ACY3: variants seen among roughly 807,000 people sequenced by gnomAD.
ACY3 encodes the protein aminoacylase 3, also known as N-acyl-aromatic-L-amino acid amidohydrolase (carboxylate-forming).
In ACY3, 20 loss-of-function variants were observed where a neutral mutation model predicts 24.6. The ratio of observed to expected loss-of-function variants is 0.81; its 90% CI spans 0.57 to 1.18. The LOEUF (loss-of-function observed/expected upper bound fraction) is 1.18, where lower values mean the gene tolerates loss of function less well. Among genes scored for constraint, ACY3 ranks in the 50% most tolerant of loss-of-function variants. The pLI, the probability that ACY3 is intolerant of heterozygous loss-of-function variation, is 0.00. For missense variants in ACY3, 423 were observed against 426.8 expected (o/e 0.99, Z 0.08); for synonymous variants, 174 against 188.4 (o/e 0.92, Z 0.62).
intron 2 of ACY3, 123 bp from the exon 3 acceptor site, chr11:67,647,186 G>A: frequency 1.5e-6 from 1 of 661,750 alleles, no homozygotes; most frequent in Non-Finnish European, 2.5e-6. Context: ...AGCTGGGAGT[G>A]TCTCAGCTGT....
At chr11:67,649,637 C>T (rs867385575) in intron 1 of ACY3, among the ~76,000 whole-genome samples, 4 of 141,600 alleles carry the variant, frequency 2.8e-5, no homozygotes, top group Non-Finnish European at 4.5e-5. Context: ...TGACAGCATG[C>T]GTGTGTGCGT....
Position 67,645,818 on chromosome 11 carries a change from G to A in ACY3, c.306C>T (p.Pro102=). Residue 102 remains proline, a synonymous_variant, in exon 4 of 8, where the codon CCC becomes CCT. Transcript: ENST00000255082. ...AGTCAAAGGCCTGGCCCGAGGCCTT[G>A]GGCCCCAGCAGCTGGTTCAGCTCTC... ...RARELNQLLG[P]KASGQAFDFV... The A allele has an allele frequency of 6.2e-7, 1 of 1,613,828 alleles. No homozygotes were observed. Among genetic ancestry groups the A allele is most frequent in the Non-Finnish European group, 8.5e-7 (1 of 1,179,862 alleles).
At position 67,647,743 on chromosome 11, in the gene ACY3, C is replaced by T. The variant is rs141339224; in HGVS notation, c.-94-154G>A. 7.2e-5 allele frequency among the ~76,000 whole-genome samples: 11 copies of T among 152,308 alleles called. No individual in the cohort carries two copies. The East Asian group carries it at 1.4e-3, about 19-fold the overall frequency. On this transcript the variant is annotated intron_variant, in intron 1 of 7. Transcript: ENST00000255082. ...CCCCACGCTGCTACTTGTGCTGCCA[C>T]GGCCCAACGAGTCCAGGTCCTGCGG... is the stretch of plus-strand genomic sequence containing the variant.
At position 67,647,077 on chromosome 11, in the gene ACY3, T is replaced by C. The variant is rs752962238; in HGVS notation, c.-20-14A>G. The C allele has an allele frequency of 2.7e-6, 4 of 1,459,336 alleles. No individual in the cohort carries two copies. Among genetic ancestry groups the C allele is most frequent in the Non-Finnish European group, 2.7e-6 (3 of 1,102,048 alleles). 90.4% of individuals were successfully genotyped at this position (1,459,336 alleles called of 1,614,324 possible). A position where few individuals can be genotyped will look rare whatever the true frequency, so the allele number is the denominator to read the frequency against. On this transcript the variant is annotated splice_polypyrimidine_tract_variant and intron_variant, in intron 2 of 7. Coordinates refer to ENST00000255082, the MANE Select transcript of ACY3 (RefSeq NM_080658.2). The stretch of plus-strand genomic sequence containing the variant: ...GGGGTGCAGAACCTGGGGGTGGGCA[T>C]ACTTAGGAGACCCTGGCCCCGATGC...
At position 67,644,516 on chromosome 11, in the gene ACY3, T is replaced by C. The variant is rs368492389; in HGVS notation, c.744+244A>G. Among the ~76,000 whole-genome samples, 204 of 152,262 alleles carry C rather than the reference T, an allele frequency of 1.3e-3. No individual in the cohort carries two copies. The Middle Eastern group carries it at 0.014, about 10-fold the overall frequency. On this transcript the variant is annotated intron_variant, in intron 7 of 7. Coordinates refer to ENST00000255082, the MANE Select transcript of ACY3 (RefSeq NM_080658.2). ...TCCATCATGCCCTCCACAGGAGCTA[T>C]GGGGATCACTGTGGCCTCTTGTGCT...
chr11:67,645,480 T>A, intron 4 of ACY3, 100 bp from the exon 5 acceptor site: 6 of 1,361,892 alleles, frequency 4.4e-6, no homozygotes, highest in Non-Finnish European at 6.1e-6. Context: ...ACCACCCTCC[T>A]TGGCCAGGTC....
chr11:67,643,581 G>A (rs113095831), intron 7 of ACY3, among the ~76,000 whole-genome samples: 18,588 of 152,130 alleles, frequency 0.12, 1,551 homozygotes, highest in Non-Finnish European at 0.18. Context: ...GGGAGGCTGA[G>A]GCAGGAGAAT....
At position 67,647,583 on chromosome 11, in the gene ACY3, C is replaced by T. The variant is rs2514036; in HGVS notation, c.-88G>A. The T allele has an allele frequency of 0.8, 121,280 of 151,244 alleles. 48,932 individuals carry two copies. Among genetic ancestry groups the T allele is most frequent in the South Asian group, 0.92 (4,428 of 4,798 alleles). 9.4% of individuals were successfully genotyped at this position (151,244 alleles called of 1,614,324 possible). A position where few individuals can be genotyped will look rare whatever the true frequency, so the allele number is the denominator to read the frequency against. On this transcript the variant is annotated 5_prime_UTR_variant, in exon 2 of 8. An upstream start codon of the reference 5' UTR is lost. Transcript: ENST00000255082. ...TCTAACTCGCAGACAGGCTGGTATT[C>T]ATGGGCCTGGAGATCCACAGATGGG...
chr11:67,647,773 G>A (rs1328984713), intron 1 of ACY3, among the ~76,000 whole-genome samples, 184 bp from the exon 2 acceptor site: 1 of 152,228 alleles, frequency 6.6e-6, no homozygotes, highest in Non-Finnish European at 1.5e-5. Flanking sequence ...CTGCGGGCAA[G>A]TTCCTGCCCC....
At chr11:67,644,259 A>G (rs1565237534) in intron 7 of ACY3, among the ~76,000 whole-genome samples, 1 of 152,152 alleles carries the variant, frequency 6.6e-6, no homozygotes, top group Non-Finnish European at 1.5e-5. Flanking sequence ...AGCAGCCAGT[A>G]CGTTCTTCTC....
intron 2 of ACY3, among the ~76,000 whole-genome samples, chr11:67,647,290 G>C (rs1022999073): frequency 3.9e-5 from 6 of 152,340 alleles, no homozygotes; most frequent in Admixed American, 3.9e-4. Flanking sequence ...ATTGAGAAGA[G>C]GGGCCCAACT....
chr11:67,644,942 G>T, intron 6 of ACY3, 73 bp from the exon 7 acceptor site: 2 of 1,582,300 alleles, frequency 1.3e-6, no homozygotes, highest in Middle Eastern at 1.7e-4. Flanking sequence ...GTGGGGGTAC[G>T]TCAGGGCTAG....
In ACY3 at chr11:67,645,692, C is replaced by T. The variant is rs201627867; in HGVS notation, c.432G>A (p.Gln144=). ...GCTGTGTGCTTGGGGCCGGGGCCAC[C>T]TGCAGATGGCGGCACAGGTGCATGG... The part of the protein sequence containing the change: ...VFAMHLCRHL[Q]LQYPELSCQV... The change falls in exon 4 of 8, where the codon CAG becomes CAA. Residue 144 remains glutamine, a splice_region_variant and synonymous_variant. Coordinates refer to ENST00000255082, the MANE Select transcript of ACY3 (RefSeq NM_080658.2). 24 of 1,598,418 alleles carry T rather than the reference C, an allele frequency of 1.5e-5. No homozygotes were observed. The highest frequency in any genetic ancestry group is 2.0e-5 in the Non-Finnish European group (24 of 1,172,496).
chr11:67,647,817 C>G (rs554010265), intron 1 of ACY3, among the ~76,000 whole-genome samples: 1 of 152,250 alleles, frequency 6.6e-6, no homozygotes, highest in South Asian at 2.1e-4. Context: ...CCCAGAGGGG[C>G]CACCTTCCTT....
intron 6 of ACY3, 62 bp downstream of exon 6, chr11:67,644,983 A>C (rs1855483062): frequency 6.3e-7 from 1 of 1,590,980 alleles, no homozygotes; most frequent in Non-Finnish European, 8.6e-7. Flanking sequence ...CTGGCTCCCC[A>C]ACCCCTGAGC....
intron 2 of ACY3, 78 bp from the exon 3 acceptor site, chr11:67,647,141 C>T: frequency 2.8e-6 from 3 of 1,073,854 alleles, no homozygotes; most frequent in East Asian, 2.7e-5. Context: ...CGGTGGGAGG[C>T]TCCACAGGGC....
In ACY3 at chr11:67,645,165, AAGCAAGGGGTT is replaced by A; in HGVS notation, c.527-24_527-14del. 6.2e-7 allele frequency: 1 copy of A among 1,610,474 alleles called. No individual in the cohort carries two copies. Among genetic ancestry groups the A allele is most frequent in the Non-Finnish European group, 8.5e-7 (1 of 1,178,500 alleles). ...CCCAGCTCCAGACCTGGGGACCAGG[AAGCAAGGGGTT>A]AGGCAGGTGCAGGACCCATATACTC... On this transcript the variant is annotated splice_polypyrimidine_tract_variant and intron_variant, in intron 5 of 7. Coordinates refer to ENST00000255082, the MANE Select transcript of ACY3 (RefSeq NM_080658.2).
At chr11:67,644,066 T>G (rs117083770) in intron 7 of ACY3, among the ~76,000 whole-genome samples, 12,725 of 152,246 alleles carry the variant, frequency 0.084, 604 homozygotes, top group East Asian at 0.13. Flanking sequence ...CTGTTATGAC[T>G]GAACGTCTGC....
At position 67,650,079 on chromosome 11, in the gene ACY3, G is replaced by T. The variant is rs573404212; in HGVS notation, c.-95+504C>A. Among the ~76,000 whole-genome samples, 43 of 152,298 alleles carry T rather than the reference G, an allele frequency of 2.8e-4. 1 individual carries two copies. In the South Asian group the frequency reaches 8.9e-3, roughly 32 times the overall value. The stretch of plus-strand genomic sequence containing the variant: ...GGCCAAGGGCAGCTGTGGGGAGTGA[G>T]GAACAAAGGGCGGGCACAAGCTTGA... On this transcript the variant is annotated intron_variant, in intron 1 of 7. Transcript: ENST00000255082.
Sources: allele counts gnomAD v4.1 joint callset (sites outside exome capture counted in the v4.1 genomes callset), GRCh38; gene constraint gnomAD v4.1.1; transcripts MANE v1.5; gene names NCBI Gene and HGNC (gene_info 2026-07-23, HGNC 2026-07-21).